Variants in PCMTD1 observed in about 807,000 individuals in gnomAD.
PCMTD1 encodes the protein protein-L-isoaspartate (D-aspartate) O-methyltransferase domain containing 1.
In PCMTD1, 12 loss-of-function variants were observed where a neutral mutation model predicts 37.6. That is an observed-to-expected ratio of 0.32 (90% confidence interval 0.20 to 0.52). The LOEUF is 0.52. PCMTD1 is among the 20% of genes least tolerant of loss of function. The pLI, the probability that PCMTD1 is intolerant of heterozygous loss-of-function variation, is 0.97. For missense variants in PCMTD1, 235 were observed against 421.3 expected (o/e 0.56, Z 3.87); for synonymous variants, 117 against 135.8 (o/e 0.86, Z 0.96).
rs533942334 is a variant in PCMTD1, at chr8:51,849,886, G to A, written c.308-4123C>T. 40 of 591,540 alleles carry A rather than the reference G, an allele frequency of 6.8e-5. No individual in the cohort carries two copies. In the Middle Eastern group the frequency reaches 3.1e-3, roughly 46 times the overall value. 36.6% of individuals were successfully genotyped at this position (591,540 alleles called of 1,614,324 possible). ...AACATTTTGACAGTGTGGTGCTGAT[G>A]AGTAGAAGACTGAGGCAGACCAAGG... On this transcript the variant is annotated intron_variant, in intron 2 of 5. Transcript: ENST00000522514.
Position 51,819,311 on chromosome 8 carries a change from T to C in PCMTD1, c.*1040A>G, listed in dbSNP as rs201553703. 10 of 151,956 alleles carry C rather than the reference T, an allele frequency of 6.6e-5. No homozygotes were observed. The South Asian group carries it at 8.3e-4, about 13-fold the overall frequency. The allele number at this position is 151,956 out of a possible 1,614,324, so 9.4% of individuals were successfully genotyped here. On this transcript the variant is annotated 3_prime_UTR_variant, in exon 6 of 6. Transcript: ENST00000522514. Reference sequence around the variant, plus strand: ...TTCTGTGAATATTTCTTATACTAGATAGATCAAAAGCAAATGTAGGCTCAG... The same window carrying C: ...TTCTGTGAATATTTCTTATACTAGACAGATCAAAAGCAAATGTAGGCTCAG...
Position 51,833,699 on chromosome 8 carries a change from AAAAC to A in PCMTD1, c.411-14_411-11del, listed in dbSNP as rs1279015624. On this transcript the variant is annotated splice_polypyrimidine_tract_variant and intron_variant, in intron 3 of 5. Coordinates refer to ENST00000522514, the MANE Select transcript of PCMTD1 (RefSeq NM_052937.4). ...TTCACAGAACTCAAATCTGCATTGA[AAAAC>A]AAACATTTTAATTCAATTAAGCAAA... 10 of 1,597,812 alleles carry A rather than the reference AAAAC, an allele frequency of 6.3e-6. No individual in the cohort carries two copies. Among genetic ancestry groups the A allele is most frequent in the Non-Finnish European group, 8.5e-6 (10 of 1,175,582 alleles).
chr8:51,885,620 A>C (rs905244317), intron 1 of PCMTD1, among the ~76,000 whole-genome samples: 2 of 152,218 alleles, frequency 1.3e-5, no homozygotes, highest in African/African-American at 2.4e-5. Context: ...AAAACTCCTT[A>C]AATTTCATGT....
Position 51,857,970 on chromosome 8 carries a change from C to G in PCMTD1, c.307+2875G>C, listed in dbSNP as rs922318666. 2.0e-4 allele frequency among the ~76,000 whole-genome samples: 30 copies of G among 151,978 alleles called. 2 individuals carry two copies. The highest frequency in any genetic ancestry group is 1.3e-4 in the Admixed American group (2 of 15,268). On this transcript the variant is annotated intron_variant, in intron 2 of 5. Coordinates refer to ENST00000522514, the MANE Select transcript of PCMTD1 (RefSeq NM_052937.4). ...CCGTGTCACCACGCTCCAGCCTAGG[C>G]AAGAGAGTGAGACCCTACCTAAAAA... is the stretch of plus-strand genomic sequence containing the variant.
At chr8:51,842,589 T>C (rs546912853) in intron 3 of PCMTD1, among the ~76,000 whole-genome samples, 5 of 152,006 alleles carry the variant, frequency 3.3e-5, no homozygotes, top group African/African-American at 1.2e-4. Context: ...CCTCCCAAAG[T>C]GCTATGATTA....
intron 2 of PCMTD1, among the ~76,000 whole-genome samples, chr8:51,851,254 C>T (rs1471357982): frequency 6.6e-6 from 1 of 152,112 alleles, no homozygotes; most frequent in Non-Finnish European, 1.5e-5. Context: ...TTGCCAGAAA[C>T]AAGTTCTAGT....
rs181638756 is a variant in PCMTD1 at position 51,847,105 on chromosome 8, C to T, written c.308-1342G>A. Among the ~76,000 whole-genome samples the T allele has an allele frequency of 1.1e-4, 16 of 152,274 alleles. No homozygotes were observed. The East Asian group carries it at 1.2e-3, about 11-fold the overall frequency. Reference sequence around the variant, plus strand: ...CTTAGCCTTCAACTGAAAACTGGAACGTCTGCCCAAAATCATTTATGACTT... The same window carrying T: ...CTTAGCCTTCAACTGAAAACTGGAATGTCTGCCCAAAATCATTTATGACTT... On this transcript the variant is annotated intron_variant, in intron 2 of 5. Transcript: ENST00000522514.
At chr8:51,880,723 C>T (rs2038779232) in intron 1 of PCMTD1, among the ~76,000 whole-genome samples, 1 of 152,150 alleles carries the variant, frequency 6.6e-6, no homozygotes, top group African/African-American at 2.4e-5. Flanking sequence ...CAGTCAATGT[C>T]ACTAGTACTC....
At chr8:51,883,760 A>C (rs1343907787) in intron 1 of PCMTD1, among the ~76,000 whole-genome samples, 1 of 152,194 alleles carries the variant, frequency 6.6e-6, no homozygotes, top group Non-Finnish European at 1.5e-5. Context: ...TACTGTGACA[A>C]AAGCAACAAA....
At chr8:51,871,636 T>C (rs897351892) in intron 1 of PCMTD1, among the ~76,000 whole-genome samples, 12 of 152,196 alleles carry the variant, frequency 7.9e-5, no homozygotes, top group African/African-American at 2.7e-4. Context: ...ATAAACTCAC[T>C]GAAGAGAAAA....
intron 5 of PCMTD1, among the ~76,000 whole-genome samples, chr8:51,828,088 G>T (rs2037947321): frequency 6.6e-6 from 1 of 152,154 alleles, no homozygotes; most frequent in South Asian, 2.1e-4. Context: ...AATGACTACT[G>T]ATAGAATTCT....
At position 51,845,767 on chromosome 8, in the gene PCMTD1, C is replaced by G; in HGVS notation, c.308-4G>C. On this transcript the variant is annotated splice_region_variant and splice_polypyrimidine_tract_variant and intron_variant, in intron 2 of 5. Coordinates refer to ENST00000522514, the MANE Select transcript of PCMTD1 (RefSeq NM_052937.4). ...CCATGATTTATTCCAAAAGGACCTG[C>G]AATCGTAGCAGCATTTTTATAAAAA... The G allele has an allele frequency of 6.2e-7, 1 of 1,600,720 alleles. No individual in the cohort carries two copies.
At chr8:51,888,619 CCTTT>C (rs2038896207) in intron 1 of PCMTD1, among the ~76,000 whole-genome samples, 1 of 152,134 alleles carries the variant, frequency 6.6e-6, no homozygotes, top group Non-Finnish European at 1.5e-5. Context: ...TGGCCATTAA[CCTTT>C]CTATGACCTA....
At chr8:51,852,660 G>A (rs2038324982) in intron 2 of PCMTD1, among the ~76,000 whole-genome samples, 1 of 152,130 alleles carries the variant, frequency 6.6e-6, no homozygotes, top group African/African-American at 2.4e-5. Flanking sequence ...GTAAAATATA[G>A]GAGAGGAAGA....
intron 5 of PCMTD1, among the ~76,000 whole-genome samples, chr8:51,821,055 G>A (rs1379982791): frequency 3.3e-5 from 5 of 151,902 alleles, no homozygotes; most frequent in Non-Finnish European, 5.9e-5. Flanking sequence ...ACTATCCTGT[G>A]TATCTTTTAT....
At chr8:51,872,575 T>A (rs2038654286) in intron 1 of PCMTD1, among the ~76,000 whole-genome samples, 1 of 152,098 alleles carries the variant, frequency 6.6e-6, no homozygotes, top group East Asian at 1.9e-4. Flanking sequence ...TGTACTAAGA[T>A]CAACAGGGAA....
intron 1 of PCMTD1, among the ~76,000 whole-genome samples, chr8:51,895,089 G>A (rs989428817): frequency 6.6e-6 from 1 of 152,152 alleles, no homozygotes; most frequent in Admixed American, 6.5e-5. Flanking sequence ...TTGAAACCAC[G>A]GATCTGTGTG....
intron 2 of PCMTD1, among the ~76,000 whole-genome samples, chr8:51,857,078 G>A (rs979503083): frequency 2.0e-5 from 3 of 152,248 alleles, no homozygotes; most frequent in African/African-American, 7.2e-5. Context: ...ATATAGGTTA[G>A]CTGAATAAGG....
At chr8:51,885,017 T>C (rs1049482366) in intron 1 of PCMTD1, among the ~76,000 whole-genome samples, 2 of 152,186 alleles carry the variant, frequency 1.3e-5, no homozygotes, top group African/African-American at 4.8e-5. Flanking sequence ...ACACTAAACA[T>C]TCTCTGCTCA....
Sources: allele counts gnomAD v4.1 joint callset (sites outside exome capture counted in the v4.1 genomes callset), GRCh38; gene constraint gnomAD v4.1.1; transcripts MANE v1.5; gene names NCBI Gene and HGNC (gene_info 2026-07-23, HGNC 2026-07-21).